GPR137C: variants seen among roughly 807,000 people sequenced by gnomAD.
GPR137C encodes G protein-coupled receptor 137C, also known as integral membrane protein GPR137C.
GPR137C carries 27 observed loss-of-function variants against 43.4 expected under a neutral mutation model. The observed-to-expected ratio is 0.62, with a 90% confidence interval of 0.46 to 0.86. GPR137C has a LOEUF of 0.86. GPR137C is among the 40% of genes least tolerant of loss of function. The pLI is 0.00. For missense variants in GPR137C, 522 were observed against 534.6 expected, an observed-to-expected ratio of 0.98 and a Z score of 0.23; for synonymous variants, 285 against 226.9, an observed-to-expected ratio of 1.26 and a Z score of -2.30.
At chr14:52,626,079 A>C (rs1000656426) in intron 3 of GPR137C, among the ~76,000 whole-genome samples, 1 of 152,232 alleles carries the variant, frequency 6.6e-6, no homozygotes, top group Non-Finnish European at 1.5e-5. Context: ...CATTTTTCAC[A>C]GTATTCAGTA....
chr14:52,624,979 G>T (rs1159614692), intron 3 of GPR137C, among the ~76,000 whole-genome samples: 6 of 152,038 alleles, frequency 3.9e-5, no homozygotes, highest in Non-Finnish European at 7.4e-5. Flanking sequence ...AGATGAAATG[G>T]ACAAATTCTT....
intron 2 of GPR137C, among the ~76,000 whole-genome samples, 162 bp from the exon 3 acceptor site, chr14:52,599,951 A>G (rs912299656): frequency 2.0e-5 from 3 of 152,226 alleles, no homozygotes; most frequent in African/African-American, 7.2e-5. Flanking sequence ...ACTGAGTTCA[A>G]GTCAACCTGA....
intron 4 of GPR137C, among the ~76,000 whole-genome samples, chr14:52,632,575 T>C (rs17125594): frequency 0.056 from 8,477 of 152,142 alleles, 776 homozygotes; most frequent in African/African-American, 0.19. Context: ...GGTCATATGC[T>C]AATTTTACTT....
intron 1 of GPR137C, among the ~76,000 whole-genome samples, chr14:52,571,324 C>T (rs1034357421): frequency 4.6e-5 from 7 of 152,252 alleles, no homozygotes; most frequent in Admixed American, 3.9e-4. Flanking sequence ...ATCTCTGGGA[C>T]ATAGCTAAAG....
intron 1 of GPR137C, among the ~76,000 whole-genome samples, chr14:52,555,645 A>C (rs1269155257): frequency 6.6e-6 from 1 of 152,216 alleles, no homozygotes; most frequent in Non-Finnish European, 1.5e-5. Flanking sequence ...CTTCCTGTTA[A>C]ATGTTTGTGT....
intron 1 of GPR137C, among the ~76,000 whole-genome samples, chr14:52,581,939 A>G (rs2038653466): frequency 6.6e-6 from 1 of 152,250 alleles, no homozygotes; most frequent in African/African-American, 2.4e-5. Flanking sequence ...ACTATCTTCA[A>G]AGCAACATGG....
Position 52,552,937 on chromosome 14 carries a change from C to G in GPR137C, c.-211C>G, listed in dbSNP as rs1252867860. Among the ~76,000 whole-genome samples, 1 of 151,180 alleles carries G rather than the reference C, an allele frequency of 6.6e-6. No individual in the cohort carries two copies. Among genetic ancestry groups the G allele is most frequent in the East Asian group, 2.0e-4 (1 of 5,064 alleles). On this transcript the variant is annotated 5_prime_UTR_variant, in exon 1 of 7. Transcript: ENST00000321662. ...GGAGCCGAGCCGCAGCAGGAGGAGCCGAGACCCCCGGGGGGTGGGGGGAAA... is the reference window on the plus strand; with the variant it reads ...GGAGCCGAGCCGCAGCAGGAGGAGCGGAGACCCCCGGGGGGTGGGGGGAAA...
At chr14:52,626,928 T>C (rs944356723) in intron 3 of GPR137C, among the ~76,000 whole-genome samples, 1 of 152,168 alleles carries the variant, frequency 6.6e-6, no homozygotes, top group African/African-American at 2.4e-5. Context: ...ATCTGTATAC[T>C]GAAAACTACA....
At chr14:52,596,797 G>A (rs1389839064) in intron 1 of GPR137C, 3 of 397,896 alleles carry the variant, frequency 7.5e-6, no homozygotes, top group Non-Finnish European at 1.0e-5. Context: ...GCGACACCCT[G>A]CCCTGCTTCA....
chr14:52,564,286 A>AAG (rs1286656250), intron 1 of GPR137C, among the ~76,000 whole-genome samples: 1 of 151,360 alleles, frequency 6.6e-6, no homozygotes, highest in Non-Finnish European at 1.5e-5. Context: ...AAAAAAAAAA[A>AAG]AAAAAAGCCC....
Position 52,624,862 on chromosome 14 carries a change from A to G in GPR137C, c.718-7298A>G, listed in dbSNP as rs571465828. On this transcript the variant is annotated intron_variant, in intron 3 of 6. Transcript: ENST00000321662. ...ATCTACAGGAAAACAGTGAAAATAC[A>G]AATTGCCAATGTTATGAATGAAAGA... is the stretch of plus-strand genomic sequence containing the variant. 7.6e-4 allele frequency among the ~76,000 whole-genome samples: 116 copies of G among 152,340 alleles called. 4 individuals carry two copies. The South Asian group carries it at 0.022, about 29-fold the overall frequency.
intron 1 of GPR137C, among the ~76,000 whole-genome samples, chr14:52,566,276 G>A (rs1391782015): frequency 2.0e-5 from 3 of 152,084 alleles, no homozygotes; most frequent in African/African-American, 7.2e-5. Context: ...TCCAGCCTCA[G>A]TCTTCTCAGA....
rs10135738 is a variant in GPR137C, at chr14:52,619,885, G to A, written c.718-12275G>A. Among the ~76,000 whole-genome samples the A allele has an allele frequency of 1.9e-3, 292 of 152,036 alleles. 2 individuals are homozygous for A. The highest frequency in any genetic ancestry group is 6.7e-3 in the African/African-American group (276 of 41,484). On this transcript the variant is annotated intron_variant, in intron 3 of 6. Transcript: ENST00000321662. ...TTTGTTTTCTTGTTTTTAATGCTGA[G>A]GTTGGCATTTTAATTTCAAAATGGA...
At chr14:52,625,853 CAGA>C (rs2039220168) in intron 3 of GPR137C, among the ~76,000 whole-genome samples, 1 of 152,006 alleles carries the variant, frequency 6.6e-6, no homozygotes, top group Non-Finnish European at 1.5e-5. Context: ...TGCGCCCGGC[CAGA>C]AGAACACTTG....
chr14:52,604,609 C>G (rs569405057), intron 3 of GPR137C, among the ~76,000 whole-genome samples: 1 of 152,156 alleles, frequency 6.6e-6, no homozygotes, highest in South Asian at 2.1e-4. Flanking sequence ...CCACGCCTGG[C>G]TAATTTTTTT....
At chr14:52,608,448 T>C (rs1307077480) in intron 3 of GPR137C, among the ~76,000 whole-genome samples, 2 of 152,238 alleles carry the variant, frequency 1.3e-5, no homozygotes, top group African/African-American at 2.4e-5. Flanking sequence ...TGCATTTTTA[T>C]ATTGCCTGTC....
chr14:52,586,029 T>C (rs2038709323), intron 1 of GPR137C, among the ~76,000 whole-genome samples: 1 of 152,106 alleles, frequency 6.6e-6, no homozygotes, highest in African/African-American at 2.4e-5. Context: ...GAGAAAACCC[T>C]GAAATAAAAA....
chr14:52,555,581 C>A (rs1206188564), intron 1 of GPR137C, among the ~76,000 whole-genome samples: 1 of 152,160 alleles, frequency 6.6e-6, no homozygotes, highest in East Asian at 1.9e-4. Flanking sequence ...ATTGGGTCTT[C>A]AGACTTTGAG....
Position 52,636,874 on chromosome 14 carries a change from C to T in GPR137C, c.*1759C>T, listed in dbSNP as rs553362765. 6.6e-6 allele frequency: 1 copy of T among 152,170 alleles called. No homozygotes were observed. The highest frequency in any genetic ancestry group is 2.1e-4 in the South Asian group (1 of 4,830). The allele number at this position is 152,170 out of a possible 1,614,324, so 9.4% of individuals were successfully genotyped here. ...TGACAAAAGCGTACTTTTATTACAA[C>T]TCCAGTTGTTAGATTGCTTCTCAGA... On this transcript the variant is annotated 3_prime_UTR_variant, in exon 7 of 7. Coordinates refer to ENST00000321662, the MANE Select transcript of GPR137C (RefSeq NM_001099652.2).
Sources: allele counts gnomAD v4.1 joint callset (sites outside exome capture counted in the v4.1 genomes callset), GRCh38; gene constraint gnomAD v4.1.1; transcripts MANE v1.5; gene names NCBI Gene and HGNC (gene_info 2026-07-23, HGNC 2026-07-21).